Variants in SPOCK3 observed in about 807,000 individuals in gnomAD.
SPOCK3 encodes testican-3.
SPOCK3 carries 30 observed loss-of-function variants against 56.6 expected under a neutral mutation model. The ratio of observed to expected loss-of-function variants is 0.53; its 90% CI spans 0.40 to 0.72. SPOCK3 has a LOEUF of 0.72. Ranked by LOEUF, SPOCK3 falls within the 30% of genes least tolerant of loss-of-function variation. The pLI is 0.00. For synonymous variants in SPOCK3, 196 were observed against 183.3 expected (o/e 1.07, Z -0.56); for missense variants, 527 against 530.0 (o/e 0.99, Z 0.06).
At chr4:166,767,258 C>T (rs1304835268) in intron 7 of SPOCK3, among the ~76,000 whole-genome samples, 1 of 152,136 alleles carries the variant, frequency 6.6e-6, no homozygotes, top group Non-Finnish European at 1.5e-5. Context: ...TCTTGCCTCT[C>T]TAGTTCTTTT....
At chr4:167,105,176 T>A (rs2150332720) in intron 2 of SPOCK3, among the ~76,000 whole-genome samples, 1 of 151,904 alleles carries the variant, frequency 6.6e-6, no homozygotes, top group Non-Finnish European at 1.5e-5. Context: ...ATGTGTAAAC[T>A]AATATTATCT....
At chr4:167,070,962 A>G (rs189252720) in intron 2 of SPOCK3, among the ~76,000 whole-genome samples, 15 of 152,066 alleles carry the variant, frequency 9.9e-5, no homozygotes, top group African/African-American at 3.4e-4. Context: ...TTCATTTATA[A>G]CACTTTGGTG....
intron 4 of SPOCK3, among the ~76,000 whole-genome samples, chr4:166,917,263 A>G (rs1737962517): frequency 6.6e-6 from 1 of 152,194 alleles, no homozygotes; most frequent in African/African-American, 2.4e-5. Flanking sequence ...TGAATCTGAT[A>G]CCATATAGTA....
At chr4:167,083,974 CTA>C (rs1757955609) in intron 2 of SPOCK3, among the ~76,000 whole-genome samples, 1 of 152,016 alleles carries the variant, frequency 6.6e-6, no homozygotes, top group Non-Finnish European at 1.5e-5. Flanking sequence ...ACTTGGGTGA[CTA>C]TTTAGCAGAA....
chr4:166,887,573 G>T (rs1734330139), intron 6 of SPOCK3, among the ~76,000 whole-genome samples: 1 of 151,994 alleles, frequency 6.6e-6, no homozygotes, highest in Non-Finnish European at 1.5e-5. Flanking sequence ...GATTATCTGG[G>T]GGCTAATTAG....
At chr4:167,112,229 G>A (rs1166611552) in intron 2 of SPOCK3, among the ~76,000 whole-genome samples, 1 of 152,138 alleles carries the variant, frequency 6.6e-6, no homozygotes, top group Non-Finnish European at 1.5e-5. Flanking sequence ...CCCTAGAGGA[G>A]TGTCTTTCAC....
intron 2 of SPOCK3, among the ~76,000 whole-genome samples, chr4:167,088,892 T>A (rs1488852686): frequency 6.6e-6 from 1 of 152,176 alleles, no homozygotes; most frequent in Non-Finnish European, 1.5e-5. Context: ...TGTAAATACT[T>A]GGTTTATTTT....
chr4:166,895,760 A>C (rs776758303), intron 5 of SPOCK3, among the ~76,000 whole-genome samples: 6 of 152,240 alleles, frequency 3.9e-5, no homozygotes, highest in Non-Finnish European at 8.8e-5. Flanking sequence ...AATGGTCACC[A>C]AACTGTTTTA....
intron 3 of SPOCK3, among the ~76,000 whole-genome samples, chr4:167,030,085 C>CTATCTATCTAT (rs199643624): frequency 5.7e-5 from 5 of 87,174 alleles, no homozygotes; most frequent in African/African-American, 1.7e-4. Context: ...ATGGCTCATT[C>CTATCTATCTAT]TATCTATCTA....
At chr4:167,108,508 A>G (rs1239868752) in intron 2 of SPOCK3, among the ~76,000 whole-genome samples, 1 of 151,956 alleles carries the variant, frequency 6.6e-6, no homozygotes, top group African/African-American at 2.4e-5. Context: ...TTGCAACAAC[A>G]TGGATGGAAC....
At chr4:167,220,378 C>T (rs1309659564) in intron 2 of SPOCK3, among the ~76,000 whole-genome samples, 2 of 130,068 alleles carry the variant, frequency 1.5e-5, no homozygotes, top group Non-Finnish European at 3.2e-5. Flanking sequence ...ACTGTAAGAA[C>T]TTTTTTTTTT....
chr4:167,112,367 T>C (rs1242376520), intron 2 of SPOCK3, among the ~76,000 whole-genome samples: 1 of 152,144 alleles, frequency 6.6e-6, no homozygotes, highest in African/African-American at 2.4e-5. Flanking sequence ...GCTTAAATAG[T>C]GTATTAAAGC....
At chr4:166,860,427 A>C (rs1731110750) in intron 6 of SPOCK3, among the ~76,000 whole-genome samples, 1 of 152,094 alleles carries the variant, frequency 6.6e-6, no homozygotes, top group South Asian at 2.1e-4. Flanking sequence ...GCTTTAAAAC[A>C]AATTTTAAAA....
chr4:166,926,314 C>T (rs1739090789), intron 4 of SPOCK3, among the ~76,000 whole-genome samples: 1 of 152,054 alleles, frequency 6.6e-6, no homozygotes, highest in Non-Finnish European at 1.5e-5. Context: ...ACCCTATGGG[C>T]TCTTAGGAGT....
intron 3 of SPOCK3, among the ~76,000 whole-genome samples, chr4:167,004,806 G>A (rs1259937916): frequency 2.0e-5 from 3 of 152,050 alleles, no homozygotes; most frequent in Non-Finnish European, 4.4e-5. Context: ...ATTTGGTGGT[G>A]AGAAAAAAAA....
chr4:167,104,541 A>G (rs909139893), intron 2 of SPOCK3, among the ~76,000 whole-genome samples: 2 of 152,148 alleles, frequency 1.3e-5, no homozygotes, highest in Non-Finnish European at 2.9e-5. Context: ...AAGATGTCAG[A>G]GAAAACAAAA....
chr4:167,127,699 G>A (rs1580377685), intron 2 of SPOCK3, among the ~76,000 whole-genome samples: 1 of 152,150 alleles, frequency 6.6e-6, no homozygotes, highest in Non-Finnish European at 1.5e-5. Flanking sequence ...AAGTGCTGGG[G>A]TTACAGGCGT....
intron 2 of SPOCK3, among the ~76,000 whole-genome samples, chr4:167,184,360 C>T (rs989377364): frequency 6.6e-6 from 1 of 152,126 alleles, no homozygotes; most frequent in Non-Finnish European, 1.5e-5. Context: ...GTCTTAAATG[C>T]TCCTAATTCA....
At chr4:166,797,596 CTACTT>C (rs1420865950) in intron 6 of SPOCK3, among the ~76,000 whole-genome samples, 15 of 151,928 alleles carry the variant, frequency 9.9e-5, no homozygotes, top group Admixed American at 2.6e-4. Flanking sequence ...ATTTTAAACT[CTACTT>C]TACTTTACAT....
Sources: gnomAD v4.1 joint callset for allele counts (sites outside exome capture counted in the v4.1 genomes callset) on GRCh38, gnomAD v4.1.1 for gene constraint, MANE v1.5 for transcripts, NCBI Gene and HGNC (gene_info 2026-07-23, HGNC 2026-07-21) for gene names.